The following TJP1 variants were observed in gnomAD, a reference collection of about 807,000 sequenced individuals.
TJP1 encodes the protein tight junction protein 1, also known as tight junction protein ZO-1.
TJP1 carries 43 observed loss-of-function variants against 194.2 expected under a neutral mutation model. The ratio of observed to expected loss-of-function variants is 0.22; its 90% CI spans 0.17 to 0.29. The LOEUF (loss-of-function observed/expected upper bound fraction) is 0.29, where lower values mean the gene tolerates loss of function less well. TJP1 is among the 10% of genes least tolerant of loss of function. The probability of loss-of-function intolerance (pLI) is 1.00; values close to 1 mark genes in which losing one functional copy is unlikely to be tolerated. For missense variants in TJP1, 1,971 were observed against 2,185.7 expected (o/e 0.90, Z 1.96); for synonymous variants, 801 against 779.0 (o/e 1.03, Z -0.47).
chr15:29,726,366 G>A lies in TJP1; in HGVS notation c.2412+13C>T. On this transcript the variant is annotated intron_variant, in intron 18 of 27. Transcript: ENST00000614355. ...TACTGAACAAGTCAAAAAAGTAATA[G>A]GAAATGTCTTACCTTTCCCTCGGAA... 2 of 1,609,710 alleles carry A rather than the reference G, an allele frequency of 1.2e-6. No individual in the cohort carries two copies. Among genetic ancestry groups the A allele is most frequent in the Middle Eastern group, 1.7e-4 (1 of 6,050 alleles).
rs2050432494 is a variant in TJP1 at position 29,822,162 on chromosome 15, G to A, written c.-134C>T. On this transcript the variant is annotated 5_prime_UTR_variant, in exon 1 of 28. Transcript: ENST00000614355. Reference sequence around the variant, plus strand: ...GGGGCACGGGCGGGGGCGGCCGGAAGGGCCCGGCCCAGGGGGAGGGAATTC... The same window carrying A: ...GGGGCACGGGCGGGGGCGGCCGGAAAGGCCCGGCCCAGGGGGAGGGAATTC... 1 of 1,182,834 alleles carries A rather than the reference G, an allele frequency of 8.5e-7. No individual in the cohort carries two copies. Among genetic ancestry groups the A allele is most frequent in the Non-Finnish European group, 1.0e-6 (1 of 955,476 alleles). 73.3% of individuals were successfully genotyped at this position (1,182,834 alleles called of 1,614,324 possible).
chr15:29,950,198 ACTT>A, intron 2 of TJP1, among the ~76,000 whole-genome samples: 3 of 123,610 alleles, frequency 2.4e-5, no homozygotes, highest in Non-Finnish European at 5.2e-5. Flanking sequence ...CACCACCACC[ACTT>A]CCATCTCCAC....
chr15:29,720,566 G>A lies in TJP1; in HGVS notation c.2555C>T (p.Ala852Val), dbSNP rs768932224. Residue 852 changes from alanine (A) to valine (V), a missense_variant, in exon 19 of 28, where the codon GCC (alanine) becomes GTC (valine). This residue lies in a region of TJP1 where 1,108 missense variants were observed against 1,128.5 expected (regional missense o/e 0.98). Coordinates refer to ENST00000614355, the MANE Select transcript of TJP1 (RefSeq NM_001330239.4). The part of the protein sequence containing the change: ...DYEDTDTEGG[A>V]YTDQELDETL... ...TTCATCTAGTTCTTGATCAGTGTAG[G>A]CCCCGCCTTCTGTGTCTGTGTCTTC... is the stretch of plus-strand genomic sequence containing the variant. 2.5e-6 allele frequency: 4 copies of A among 1,614,040 alleles called. No homozygotes were observed. The Admixed American group carries it at 6.7e-5, about 27-fold the overall frequency.
intron 5 of TJP1, among the ~76,000 whole-genome samples, 183 bp downstream of exon 5, chr15:29,766,083 T>C (rs755736472): frequency 2.0e-5 from 3 of 152,360 alleles, no homozygotes; most frequent in South Asian, 2.1e-4. Context: ...TGAAGTGTTA[T>C]CTGTTCCAAC....
chr15:29,941,140 C>G (rs1217239308), intron 2 of TJP1, among the ~76,000 whole-genome samples: 1 of 152,232 alleles, frequency 6.6e-6, no homozygotes, highest in Non-Finnish European at 1.5e-5. Flanking sequence ...ACTTCCACCT[C>G]TGCAAATGAC....
At chr15:29,727,481 A>C (rs936012793) in intron 16 of TJP1, among the ~76,000 whole-genome samples, 1 of 152,234 alleles carries the variant, frequency 6.6e-6, no homozygotes, top group African/African-American at 2.4e-5. Context: ...TTAAAAAACT[A>C]ATTGTAAGTT....
At chr15:29,731,971 G>C (rs1482108936) in intron 15 of TJP1, among the ~76,000 whole-genome samples, 1 of 152,138 alleles carries the variant, frequency 6.6e-6, no homozygotes, top group Admixed American at 6.5e-5. Flanking sequence ...AACTATTTGT[G>C]TATTTGTCAG....
chr15:29,918,014 C>T (rs1178257951), intron 2 of TJP1, among the ~76,000 whole-genome samples: 2 of 152,178 alleles, frequency 1.3e-5, no homozygotes, highest in East Asian at 1.9e-4. Flanking sequence ...CAAACCCCTG[C>T]CATTCTACTT....
Position 29,763,497 on chromosome 15 carries a change from T to C in TJP1, c.590-1059A>G, listed in dbSNP as rs1011272925. 2.6e-5 allele frequency among the ~76,000 whole-genome samples: 4 copies of C among 152,124 alleles called. No homozygotes were observed. The East Asian group carries it at 5.8e-4, about 22-fold the overall frequency. On this transcript the variant is annotated intron_variant, in intron 5 of 27. Transcript: ENST00000614355. ...AAATTACATAAGAGTAGGCTGGGCA[T>C]GGTGGCTCATGCCTGTAATTCCAGC...
intron 2 of TJP1, among the ~76,000 whole-genome samples, chr15:29,928,270 A>T (rs1357387): frequency 0.26 from 38,873 of 152,130 alleles, 5,203 homozygotes; most frequent in East Asian, 0.35. Context: ...ACCAATAAAC[A>T]TGCAGAGAGG....
chr15:29,943,546 G>A (rs1019083834), intron 2 of TJP1, among the ~76,000 whole-genome samples: 1 of 138,614 alleles, frequency 7.2e-6, no homozygotes, highest in South Asian at 2.4e-4. Context: ...GAGAATTGCT[G>A]GAACTGGGAG....
chr15:29,840,314 G>A (rs2051177492), intron 2 of TJP1, among the ~76,000 whole-genome samples: 1 of 152,108 alleles, frequency 6.6e-6, no homozygotes, highest in African/African-American at 2.4e-5. Context: ...TCTTCACCCA[G>A]TCCTAAGTCC....
chr15:29,730,457 CGT>C (rs2043554582), intron 15 of TJP1, among the ~76,000 whole-genome samples: 2 of 151,872 alleles, frequency 1.3e-5, no homozygotes, highest in South Asian at 4.2e-4. Context: ...ACTAGCCAGG[CGT>C]GTTGGCATGT....
chr15:29,871,681 C>T (rs2052529154), intron 2 of TJP1, among the ~76,000 whole-genome samples: 1 of 152,238 alleles, frequency 6.6e-6, no homozygotes, highest in South Asian at 2.1e-4. Context: ...CATACAGCCC[C>T]ACTGGGCATT....
chr15:29,756,044 G>A (rs2045624716), intron 8 of TJP1, among the ~76,000 whole-genome samples: 2 of 152,012 alleles, frequency 1.3e-5, no homozygotes, highest in Admixed American at 1.3e-4. Flanking sequence ...ATATGAGGAA[G>A]AATACAATCT....
At chr15:29,903,627 G>A (rs538415215) in intron 2 of TJP1, among the ~76,000 whole-genome samples, 1 of 152,154 alleles carries the variant, frequency 6.6e-6, no homozygotes, top group East Asian at 1.9e-4. Context: ...TGTATTTTTA[G>A]TAGAGACGGG....
chr15:29,864,149 T>C (rs1364071394), intron 2 of TJP1, among the ~76,000 whole-genome samples: 1 of 149,754 alleles, frequency 6.7e-6, no homozygotes, highest in African/African-American at 2.5e-5. Flanking sequence ...ATCTCAGCAC[T>C]TCGGGAGGCC....
chr15:29,950,677 G>T (rs1217755143), intron 2 of TJP1, among the ~76,000 whole-genome samples: 4 of 152,330 alleles, frequency 2.6e-5, no homozygotes, highest in South Asian at 2.1e-4. Context: ...CAGAAGTGGT[G>T]TCCATGTCCC....
intron 1 of TJP1, among the ~76,000 whole-genome samples, chr15:29,819,321 G>A (rs1475812874): frequency 6.6e-6 from 1 of 152,004 alleles, no homozygotes; most frequent in South Asian, 2.1e-4. Context: ...CCACATATTC[G>A]TAGTTTTCCA....
Sources: allele counts gnomAD v4.1 joint callset (sites outside exome capture counted in the v4.1 genomes callset), GRCh38; gene constraint gnomAD v4.1.1; regional missense constraint gnomAD v4.1.1; transcripts MANE v1.5; gene names NCBI Gene and HGNC (gene_info 2026-07-23, HGNC 2026-07-21).